CEP120: variants seen among roughly 807,000 people sequenced by gnomAD.
CEP120 encodes the protein centrosomal protein 120.
In CEP120, 113 loss-of-function variants were observed where a neutral mutation model predicts 126.5. The ratio of observed to expected loss-of-function variants is 0.89; its 90% CI spans 0.77 to 1.04. CEP120 has a LOEUF of 1.04. Ranked by LOEUF, CEP120 falls within the 50% of genes least tolerant of loss-of-function variation. The probability of loss-of-function intolerance (pLI) is 0.00; values close to 1 mark genes in which losing one functional copy is unlikely to be tolerated. For synonymous variants in CEP120, 400 were observed against 394.3 expected (o/e 1.01, Z -0.17); for missense variants, 1,230 against 1,155.7 (o/e 1.06, Z -0.93).
chr5:123,364,401 G>A, intron 18 of CEP120, 95 bp downstream of exon 18: 1 of 561,232 alleles, frequency 1.8e-6, no homozygotes, highest in Non-Finnish European at 3.0e-6. Flanking sequence ...ATATTCAAAT[G>A]CAGACATCAG....
At position 123,385,001 on chromosome 5, in the gene CEP120, C is replaced by A; in HGVS notation, c.1713G>T (p.Gln571His). The A allele has an allele frequency of 6.2e-7, 1 of 1,613,554 alleles. No homozygotes were observed. Among genetic ancestry groups the A allele is most frequent in the Non-Finnish European group, 8.5e-7 (1 of 1,179,716 alleles). The change falls in exon 11 of 20, where the codon CAG becomes CAT. Residue 571 changes from glutamine to histidine, a missense_variant. Coordinates refer to ENST00000306467, the MANE Select transcript of CEP120 (RefSeq NM_001375405.1). ...KTRFLGSNGE[Q>H]CWRQTYSESV... ...TTTCACTGTAAGTTTGACGCCAACACTGTTCACCATTAGAACCTAAAAAAC... is the reference window on the plus strand; with the variant it reads ...TTTCACTGTAAGTTTGACGCCAACAATGTTCACCATTAGAACCTAAAAAAC...
At chr5:123,391,415 T>C in intron 6 of CEP120, 78 bp from the exon 7 acceptor site, 1 of 1,155,538 alleles carries the variant, frequency 8.7e-7, no homozygotes, top group Non-Finnish European at 1.3e-6. Flanking sequence ...TAATAAGAAG[T>C]TGTAAAATGA....
chr5:123,391,735 G>C (rs2127072425), intron 6 of CEP120, among the ~76,000 whole-genome samples: 1 of 151,986 alleles, frequency 6.6e-6, no homozygotes, highest in Non-Finnish European at 1.5e-5. Context: ...TTTAAACACA[G>C]TTTCAAAAAA....
chr5:123,383,024 C>G lies in CEP120; in HGVS notation c.1822G>C (p.Val608Leu), dbSNP rs1166586504. The G allele has an allele frequency of 1.3e-6, 2 of 1,591,186 alleles. No individual in the cohort carries two copies. The highest frequency in any genetic ancestry group is 2.2e-5 in the South Asian group (2 of 89,716). ...YTVTLEDYGL[V>L]KMREIFISDS... is the part of the protein sequence containing the mutation. ...GAGATAAAAATCTCACGCATTTTTA[C>G]TAGTCCATAATCTTCTAGAGTCACT... Residue 608 changes from valine (V) to leucine (L), a missense_variant, in exon 12 of 20, where the codon GTA (valine) becomes CTA (leucine). Transcript: ENST00000306467.
chr5:123,386,177 T>A (rs1192260539), intron 10 of CEP120, among the ~76,000 whole-genome samples: 2 of 152,090 alleles, frequency 1.3e-5, no homozygotes, highest in Non-Finnish European at 2.9e-5. Context: ...AAAAAGTAAA[T>A]ATTTAGTTCT....
At chr5:123,365,928 A>C (rs1471920260) in intron 17 of CEP120, among the ~76,000 whole-genome samples, 1 of 151,476 alleles carries the variant, frequency 6.6e-6, no homozygotes, top group Non-Finnish European at 1.5e-5. Flanking sequence ...ACTTATACTC[A>C]ATGCACCATC....
rs147467090 is a variant in CEP120, at chr5:123,372,762, G to A, written c.2369C>T (p.Ala790Val). ...KHRLQQQLND[A>V]ENKYKILEKE... ...TTCCAAAATCTTATACTTATTTTCAGCATCATTAAGCTGTATTAAAAAAAG... is the reference window on the plus strand; with the variant it reads ...TTCCAAAATCTTATACTTATTTTCAACATCATTAAGCTGTATTAAAAAAAG... Residue 790 changes from alanine (A) to valine (V), a missense_variant, in exon 17 of 20, where the codon GCT (alanine) becomes GTT (valine). Transcript: ENST00000306467. 2 of 1,596,624 alleles carry A rather than the reference G, an allele frequency of 1.3e-6. No individual in the cohort carries two copies. The highest frequency in any genetic ancestry group is 2.7e-5 in the African/African-American group (2 of 73,808).
At chr5:123,392,148 A>C (rs1432019284) in intron 6 of CEP120, among the ~76,000 whole-genome samples, 2 of 152,178 alleles carry the variant, frequency 1.3e-5, no homozygotes, top group African/African-American at 4.8e-5. Context: ...AAGTTATTAT[A>C]AGGTGTAATA....
At chr5:123,401,093 G>A (rs1260501421) in intron 4 of CEP120, 40 of 1,592,760 alleles carry the variant, frequency 2.5e-5, no homozygotes, top group Non-Finnish European at 3.3e-5. Flanking sequence ...TTGCATAGCC[G>A]CTGGTGGTCT....
At position 123,422,869 on chromosome 5, in the gene CEP120, G is replaced by A. The variant is rs138822777; in HGVS notation, c.49+81C>T. On this transcript the variant is annotated intron_variant, in intron 1 of 19. Coordinates refer to ENST00000306467, the MANE Select transcript of CEP120 (RefSeq NM_001375405.1). Reference sequence around the variant, plus strand: ...AAAGCACAGATGACAGGGTTCTTAAGGTTAACAAGGCCTCGGTCCCACACT... The same window carrying A: ...AAAGCACAGATGACAGGGTTCTTAAAGTTAACAAGGCCTCGGTCCCACACT... 1,269 of 1,300,806 alleles carry A rather than the reference G, an allele frequency of 9.8e-4. 12 individuals are homozygous for A. The African/African-American group carries it at 0.016, about 16-fold the overall frequency. The allele number at this position is 1,300,806 out of a possible 1,614,324, so 80.6% of individuals were successfully genotyped here.
intron 4 of CEP120, chr5:123,403,394 GAAAC>G (rs1243821270): frequency 2.3e-6 from 1 of 433,244 alleles, no homozygotes; most frequent in East Asian, 7.1e-5. Flanking sequence ...CATTCAAAAG[GAAAC>G]AAAAGCAACT....
At chr5:123,370,224 G>A (rs955033070) in intron 17 of CEP120, among the ~76,000 whole-genome samples, 3 of 152,000 alleles carry the variant, frequency 2.0e-5, no homozygotes, top group African/African-American at 4.8e-5. Context: ...TATACAGTAA[G>A]TATTAAAAGT....
At chr5:123,413,115 A>G (rs72791714) in intron 3 of CEP120, among the ~76,000 whole-genome samples, 3 of 151,878 alleles carry the variant, frequency 2.0e-5, no homozygotes, top group African/African-American at 7.3e-5. Flanking sequence ...TACTAAAAAT[A>G]CGAAAAATTA....
intron 4 of CEP120, chr5:123,403,780 C>G: frequency 2.6e-6 from 1 of 381,920 alleles, no homozygotes; most frequent in Non-Finnish European, 5.1e-6. Context: ...ATCAGACAAA[C>G]TCAAGTCATG....
At chr5:123,381,049 G>A (rs1438270234) in intron 14 of CEP120, among the ~76,000 whole-genome samples, 2 of 152,120 alleles carry the variant, frequency 1.3e-5, no homozygotes, top group East Asian at 3.9e-4. Flanking sequence ...AGCTGATTTG[G>A]TTATTTTAAA....
In CEP120 at chr5:123,393,483, G is replaced by A. The variant is rs1439374954; in HGVS notation, c.627C>T (p.Thr209=). 1 of 1,613,306 alleles carries A rather than the reference G, an allele frequency of 6.2e-7. No homozygotes were observed. Among genetic ancestry groups the A allele is most frequent in the Non-Finnish European group, 8.5e-7 (1 of 1,179,564 alleles). Residue 209 remains threonine, a synonymous_variant, in exon 6 of 20, where the codon ACC becomes ACT. Coordinates refer to ENST00000306467, the MANE Select transcript of CEP120 (RefSeq NM_001375405.1). ...ATQLEQLIPC[T]MKLPERQPEF... ...CAGGCTGTCTTTCTGGAAGTTTCAT[G>A]GTACATGGAATTAACTAAACATTTC...
intron 4 of CEP120, chr5:123,403,103 A>G (rs966239199): frequency 8.7e-6 from 3 of 344,514 alleles, no homozygotes; most frequent in African/African-American, 6.6e-5. Flanking sequence ...ATATGTATAT[A>G]TACAAATGTG....
intron 4 of CEP120, among the ~76,000 whole-genome samples, chr5:123,405,670 T>C (rs1325974240): frequency 6.6e-6 from 1 of 152,098 alleles, no homozygotes; most frequent in Non-Finnish European, 1.5e-5. Context: ...ACAGGCTCAG[T>C]AAAAGACTGA....
At chr5:123,377,217 T>G (rs1203883756) in intron 16 of CEP120, among the ~76,000 whole-genome samples, 157 bp downstream of exon 16, 1 of 152,114 alleles carries the variant, frequency 6.6e-6, no homozygotes, top group Admixed American at 6.6e-5. Context: ...TAGAAAAAGA[T>G]CCAACTTAAA....
Sources: gnomAD v4.1 joint callset for allele counts (sites outside exome capture counted in the v4.1 genomes callset) on GRCh38, gnomAD v4.1.1 for gene constraint, MANE v1.5 for transcripts, NCBI Gene and HGNC (gene_info 2026-07-23, HGNC 2026-07-21) for gene names.